The following SUCLG2 variants were observed in gnomAD, a reference collection of about 807,000 sequenced individuals.
SUCLG2 encodes succinate-CoA ligase GDP-forming subunit beta.
A neutral mutation model predicts 47.9 loss-of-function variants in SUCLG2; 42 were observed. The observed-to-expected ratio is 0.88, with a 90% CI of 0.69 to 1.14. The LOEUF (loss-of-function observed/expected upper bound fraction) is 1.14, where lower values mean the gene tolerates loss of function less well. Among genes scored for constraint, SUCLG2 ranks in the 50% most tolerant of loss-of-function variants. The probability of loss-of-function intolerance (pLI) is 0.00; values close to 1 mark genes in which losing one functional copy is unlikely to be tolerated. For synonymous variants in SUCLG2, 195 were observed against 197.3 expected, an observed-to-expected ratio of 0.99 and a Z score of 0.10; for missense variants, 571 against 525.9, an observed-to-expected ratio of 1.09 and a Z score of -0.84.
chr3:67,397,101 G>C (rs1184492588), intron 10 of SUCLG2, among the ~76,000 whole-genome samples: 8 of 151,398 alleles, frequency 5.3e-5, no homozygotes, highest in African/African-American at 1.5e-4. Flanking sequence ...CATTCCCTTT[G>C]AAAACTGGCA....
chr3:67,413,269 A>G (rs911420927), intron 9 of SUCLG2, among the ~76,000 whole-genome samples: 1 of 152,208 alleles, frequency 6.6e-6, no homozygotes, highest in African/African-American at 2.4e-5. Context: ...AAACGGCTTC[A>G]TTCAGTTTAT....
At chr3:67,374,132 C>A (rs2098302628), downstream of SUCLG2, among the ~76,000 whole-genome samples, 1 of 151,954 alleles carries the variant, frequency 6.6e-6, no homozygotes, top group Non-Finnish European at 1.5e-5. Flanking sequence ...TTTACTGCAC[C>A]AACTAGTGAT....
chr3:67,546,659 G>A (rs973852054), intron 2 of SUCLG2, among the ~76,000 whole-genome samples: 5 of 152,138 alleles, frequency 3.3e-5, no homozygotes, highest in Non-Finnish European at 5.9e-5. Flanking sequence ...AGCTGGAACC[G>A]GGGAGGTGGA....
At chr3:67,428,366 C>A (rs1703363938) in intron 9 of SUCLG2, among the ~76,000 whole-genome samples, 1 of 152,170 alleles carries the variant, frequency 6.6e-6, no homozygotes, top group African/African-American at 2.4e-5. Flanking sequence ...CTACAACAGA[C>A]CTGCAGCTAA....
chr3:67,534,289 T>G (rs576192681), intron 2 of SUCLG2, among the ~76,000 whole-genome samples: 39 of 152,276 alleles, frequency 2.6e-4, no homozygotes, highest in African/African-American at 8.4e-4. Flanking sequence ...TAAAGCCATT[T>G]TGAAGAGTTT....
At chr3:67,585,665 C>T (rs937172723) in intron 2 of SUCLG2, among the ~76,000 whole-genome samples, 3 of 152,028 alleles carry the variant, frequency 2.0e-5, no homozygotes, top group Non-Finnish European at 4.4e-5. Flanking sequence ...CCTTGTCCAC[C>T]AAGAGTACTG....
At chr3:67,439,916 C>A (rs1425777909) in intron 9 of SUCLG2, among the ~76,000 whole-genome samples, 1 of 152,046 alleles carries the variant, frequency 6.6e-6, no homozygotes, top group Non-Finnish European at 1.5e-5. Context: ...ACAGCCCATA[C>A]AGCCAAGACA....
intron 10 of SUCLG2, among the ~76,000 whole-genome samples, chr3:67,399,235 C>G (rs1303683643): frequency 1.3e-5 from 2 of 152,108 alleles, no homozygotes; most frequent in Admixed American, 6.5e-5. Context: ...GATTACACAT[C>G]TGTTTGATAC....
chr3:67,402,713 C>A (rs1702714978), intron 9 of SUCLG2, among the ~76,000 whole-genome samples: 1 of 152,206 alleles, frequency 6.6e-6, no homozygotes, highest in Admixed American at 6.5e-5. Context: ...TGCAGAGGAA[C>A]TTGGCATTCT....
intron 1 of SUCLG2, among the ~76,000 whole-genome samples, chr3:67,627,870 G>A (rs1362012305): frequency 6.6e-6 from 1 of 152,168 alleles, no homozygotes; most frequent in East Asian, 1.9e-4. Context: ...TCCCAGCTCT[G>A]CAGGACCTAT....
intron 2 of SUCLG2, among the ~76,000 whole-genome samples, chr3:67,576,624 A>G (rs558217515): frequency 3.3e-5 from 5 of 152,234 alleles, no homozygotes; most frequent in Non-Finnish European, 5.9e-5. Context: ...CTGCTCTGCT[A>G]TGTAAGATGG....
chr3:67,391,159 T>G (rs966466149), intron 10 of SUCLG2, among the ~76,000 whole-genome samples: 4 of 152,174 alleles, frequency 2.6e-5, no homozygotes, highest in African/African-American at 9.7e-5. Flanking sequence ...TCCCACCCCC[T>G]TCATTCTTAC....
chr3:67,525,596 C>A (rs1706234152), intron 4 of SUCLG2, among the ~76,000 whole-genome samples: 1 of 152,096 alleles, frequency 6.6e-6, no homozygotes, highest in African/African-American at 2.4e-5. Context: ...TAAAAAATAA[C>A]CTTGACCTAA....
intron 9 of SUCLG2, among the ~76,000 whole-genome samples, chr3:67,486,230 A>G (rs1705047545): frequency 6.6e-6 from 1 of 152,076 alleles, no homozygotes; most frequent in Non-Finnish European, 1.5e-5. Flanking sequence ...ACACCACTAC[A>G]CTCCAGCCTG....
intron 1 of SUCLG2, among the ~76,000 whole-genome samples, chr3:67,626,045 A>T (rs1295772824): frequency 4.0e-5 from 6 of 149,988 alleles, no homozygotes; most frequent in Non-Finnish European, 5.9e-5. Context: ...TTTTGAGATG[A>T]GTCTCGCTCT....
intron 9 of SUCLG2, among the ~76,000 whole-genome samples, chr3:67,433,482 G>A (rs13083595): frequency 0.034 from 5,129 of 152,170 alleles, 114 homozygotes; most frequent in African/African-American, 0.058. Context: ...GGTGTGGAAG[G>A]AGGGAGAATC....
intron 2 of SUCLG2, among the ~76,000 whole-genome samples, chr3:67,585,984 A>AG (rs1212183910): frequency 2.1e-5 from 1 of 46,772 alleles, no homozygotes; most frequent in Admixed American, 3.1e-4. Flanking sequence ...AAAAAAAAAA[A>AG]AAAAAAACCA....
chr3:67,607,795 G>A (rs115227174), intron 2 of SUCLG2, among the ~76,000 whole-genome samples: 326 of 152,244 alleles, frequency 2.1e-3, no homozygotes, highest in African/African-American at 7.5e-3. Context: ...TAAGCCTCAC[G>A]AGATCTAATG....
At chr3:67,498,385 A>G in intron 7 of SUCLG2, 90 bp from the exon 8 acceptor site, 1 of 1,348,126 alleles carries the variant, frequency 7.4e-7, no homozygotes, top group Non-Finnish European at 1.0e-6. Flanking sequence ...GCGAAGGGAA[A>G]GTTAAGTACT....
Sources: gnomAD v4.1 joint callset for allele counts (sites outside exome capture counted in the v4.1 genomes callset) on GRCh38, gnomAD v4.1.1 for gene constraint, MANE v1.5 for transcripts, NCBI Gene and HGNC (gene_info 2026-07-23, HGNC 2026-07-21) for gene names.